UTRN: variants seen among roughly 807,000 people sequenced by gnomAD.
UTRN encodes the protein utrophin, also known as dystrophin-related protein 1.
A neutral mutation model predicts 463.9 loss-of-function variants in UTRN; 283 were observed. The ratio of observed to expected loss-of-function variants is 0.61; its 90% CI spans 0.55 to 0.67. UTRN has a LOEUF of 0.67. Ranked by LOEUF, UTRN falls within the 30% of genes least tolerant of loss-of-function variation. The pLI, the probability that UTRN is intolerant of heterozygous loss-of-function variation, is 0.00. For synonymous variants in UTRN, 1,442 were observed against 1,431.5 expected, an observed-to-expected ratio of 1.01 and a Z score of -0.17; for missense variants, 3,922 against 4,084.3, an observed-to-expected ratio of 0.96 and a Z score of 1.08.
intron 17 of UTRN, among the ~76,000 whole-genome samples, chr6:144,449,604 T>A (rs994115287): frequency 6.6e-6 from 1 of 152,188 alleles, no homozygotes; most frequent in African/African-American, 2.4e-5. Context: ...TATCCCTGTT[T>A]GAGCAATACC....
chr6:144,776,085 C>A (rs1775296478), intron 60 of UTRN, among the ~76,000 whole-genome samples: 1 of 152,188 alleles, frequency 6.6e-6, no homozygotes, highest in African/African-American at 2.4e-5. Flanking sequence ...CAGCCAAGGC[C>A]TCTGGGCCAC....
At chr6:144,301,458 C>T (rs1318117402) in intron 2 of UTRN, among the ~76,000 whole-genome samples, 2 of 150,866 alleles carry the variant, frequency 1.3e-5, no homozygotes. Context: ...GCAGATTGCT[C>T]AGAGAGGGGG....
intron 73 of UTRN, among the ~76,000 whole-genome samples, chr6:144,845,259 T>C (rs1781919481): frequency 6.6e-6 from 1 of 152,268 alleles, no homozygotes; most frequent in South Asian, 2.1e-4. Flanking sequence ...AAATTCCCAC[T>C]GACTGCAGTA....
At chr6:144,360,703 C>T (rs1368909223) in intron 2 of UTRN, among the ~76,000 whole-genome samples, 6 of 152,232 alleles carry the variant, frequency 3.9e-5, no homozygotes, top group Non-Finnish European at 8.8e-5. Flanking sequence ...TATAAATTCT[C>T]CAGCTCTCTT....
chr6:144,463,923 TTA>T (rs1339931237), intron 23 of UTRN, among the ~76,000 whole-genome samples: 1 of 151,288 alleles, frequency 6.6e-6, no homozygotes, highest in Non-Finnish European at 1.5e-5. Flanking sequence ...ACATCTTTAT[TTA>T]TATAGAGAGA....
intron 58 of UTRN, among the ~76,000 whole-genome samples, chr6:144,762,517 T>C (rs760811168): frequency 6.6e-6 from 1 of 152,248 alleles, no homozygotes; most frequent in Non-Finnish European, 1.5e-5. Flanking sequence ...TGCCGTTGTA[T>C]AGGCTTTTCC....
chr6:144,843,180 G>A (rs1043584019), intron 73 of UTRN, among the ~76,000 whole-genome samples: 5 of 152,042 alleles, frequency 3.3e-5, no homozygotes, highest in Non-Finnish European at 7.4e-5. Flanking sequence ...GTACATCAAA[G>A]CTGTTTAGAA....
At position 144,601,903 on chromosome 6, in the gene UTRN, C is replaced by T. The variant is rs542384424; in HGVS notation, c.7479+24615C>T. ...AGCAACCATCAAATCAGGGCAAGACCCTCTACCAACAAAAAGGTTATGACT... is the reference window on the plus strand; with the variant it reads ...AGCAACCATCAAATCAGGGCAAGACTCTCTACCAACAAAAAGGTTATGACT... On this transcript the variant is annotated intron_variant, in intron 51 of 74. Transcript: ENST00000367545. Among the ~76,000 whole-genome samples the T allele has an allele frequency of 3.3e-5, 5 of 152,208 alleles. No homozygotes were observed. In the East Asian group the frequency reaches 9.7e-4, roughly 29 times the overall value.
chr6:144,746,260 C>T (rs1260908381), intron 54 of UTRN, among the ~76,000 whole-genome samples: 3 of 151,914 alleles, frequency 2.0e-5, no homozygotes, highest in Non-Finnish European at 4.4e-5. Flanking sequence ...GCCTTGGCCT[C>T]CCAAAGTGCA....
chr6:144,544,394 C>T (rs1179315231), intron 46 of UTRN, among the ~76,000 whole-genome samples: 1 of 152,278 alleles, frequency 6.6e-6, no homozygotes, highest in Non-Finnish European at 1.5e-5. Flanking sequence ...AAACCTCTTA[C>T]TCATTAAGCA....
intron 51 of UTRN, among the ~76,000 whole-genome samples, chr6:144,612,062 T>A (rs1457547564): frequency 2.0e-5 from 3 of 151,982 alleles, no homozygotes; most frequent in African/African-American, 7.2e-5. Context: ...AACCCACAAA[T>A]AAACCCACAC....
At chr6:144,527,175 A>G (rs1035468291) in intron 41 of UTRN, among the ~76,000 whole-genome samples, 1 of 152,176 alleles carries the variant, frequency 6.6e-6, no homozygotes, top group Admixed American at 6.5e-5. Context: ...TCCTTTTAGC[A>G]ATTCTTGTAG....
intron 34 of UTRN, among the ~76,000 whole-genome samples, chr6:144,507,650 G>T (rs1794795890): frequency 6.6e-6 from 1 of 152,038 alleles, no homozygotes; most frequent in Admixed American, 6.5e-5. Flanking sequence ...CGTTTCAGAG[G>T]GGCACTCACA....
Position 144,820,891 on chromosome 6 carries a change from G to T in UTRN, c.9367G>T (p.Gly3123Trp). Residue 3123 changes from glycine (G) to tryptophan (W), a missense_variant, in exon 66 of 75, where the codon GGG (glycine) becomes TGG (tryptophan). Around this residue, in one of 3 missense-constraint regions of UTRN, gnomAD observed 1,309 missense variants for 1,452.6 expected, o/e 0.90. Coordinates refer to ENST00000367545, the MANE Select transcript of UTRN (RefSeq NM_007124.3). ...GTTTTCAACCTTATAGACAACATCT[G>T]GGGAAGATGTACGAGACTTCACAAA... is the stretch of plus-strand genomic sequence containing the variant. ...MVEYCIPTTS[G>W]EDVRDFTKVL... 1 of 1,613,036 alleles carries T rather than the reference G, an allele frequency of 6.2e-7. No individual in the cohort carries two copies. Among genetic ancestry groups the T allele is most frequent in the Non-Finnish European group, 8.5e-7 (1 of 1,179,520 alleles).
At chr6:144,390,572 A>G (rs1002191171) in intron 2 of UTRN, among the ~76,000 whole-genome samples, 3 of 152,172 alleles carry the variant, frequency 2.0e-5, no homozygotes, top group African/African-American at 4.8e-5. Flanking sequence ...CAGCTCTGAT[A>G]AAAAACCACC....
intron 74 of UTRN, among the ~76,000 whole-genome samples, chr6:144,848,302 G>A (rs1257713826): frequency 6.6e-6 from 1 of 152,204 alleles, no homozygotes; most frequent in Non-Finnish European, 1.5e-5. Context: ...CTGCAGGGTT[G>A]TAAGTTGCCC....
rs763807811 is a variant in UTRN at position 144,798,017 on chromosome 6, C to T, written c.9245+27C>T. The T allele has an allele frequency of 6.8e-6, 11 of 1,613,206 alleles. No homozygotes were observed. In the African/African-American group the frequency reaches 1.1e-4, roughly 16 times the overall value. The stretch of plus-strand genomic sequence containing the variant: ...TAAGGCGTGCCAGTGCTGGAGGAGG[C>T]TATTTTCTGTTTCCTTTGTGTAATC... On this transcript the variant is annotated intron_variant, in intron 64 of 74. Transcript: ENST00000367545.
rs1196039287 is a variant in UTRN at position 144,548,760 on chromosome 6, C to T, written c.6716C>T (p.Ala2239Val). The change falls in exon 47 of 75, where the codon GCC becomes GTC. Residue 2239 changes from alanine (A) to valine (V), a missense_variant. Transcript: ENST00000367545. Reference sequence around the variant, plus strand: ...CTTGATAAAACTATAACAGAACTAGCCGACTGGCTGGTATTAATCGACCAG... The same window carrying T: ...CTTGATAAAACTATAACAGAACTAGTCGACTGGCTGGTATTAATCGACCAG... ...ADLDKTITEL[A>V]DWLVLIDQML... 6.2e-7 allele frequency: 1 copy of T among 1,614,028 alleles called. No individual in the cohort carries two copies. The highest frequency in any genetic ancestry group is 8.5e-7 in the Non-Finnish European group (1 of 1,179,966).
At chr6:144,758,870 A>G (rs1792316888) in intron 58 of UTRN, among the ~76,000 whole-genome samples, 1 of 152,088 alleles carries the variant, frequency 6.6e-6, no homozygotes, top group Non-Finnish European at 1.5e-5. Flanking sequence ...GTCTCAGGTT[A>G]GCTGTGTGAC....
Sources: gnomAD v4.1 joint callset for allele counts (sites outside exome capture counted in the v4.1 genomes callset) on GRCh38, gnomAD v4.1.1 for gene constraint, gnomAD v4.1.1 regional missense constraint, MANE v1.5 for transcripts, NCBI Gene and HGNC (gene_info 2026-07-23, HGNC 2026-07-21) for gene names.